The following TBK1 variants were observed in gnomAD, a reference collection of about 807,000 sequenced individuals.
TBK1 encodes the protein serine/threonine-protein kinase TBK1.
TBK1 carries 37 observed loss-of-function variants against 99.9 expected under a neutral mutation model. The observed-to-expected ratio is 0.37, with a 90% CI of 0.28 to 0.49. TBK1 has a LOEUF of 0.49. Among genes scored for constraint, TBK1 ranks in the 20% least tolerant of loss-of-function variants. The probability of loss-of-function intolerance (pLI) is 0.98; values close to 1 mark genes in which losing one functional copy is unlikely to be tolerated. For synonymous variants in TBK1, 258 were observed against 279.8 expected (o/e 0.92, Z 0.78); for missense variants, 644 against 872.5 (o/e 0.74, Z 3.30).
At chr12:64,474,507 A>T in intron 6 of TBK1, 117 bp downstream of exon 6, 1 of 1,011,374 alleles carries the variant, frequency 9.9e-7, no homozygotes, top group Non-Finnish European at 1.4e-6. Context: ...CATTTCTGAT[A>T]TTTTAAGCTA....
chr12:64,490,781 G>A lies in TBK1; in HGVS notation c.1521+662G>A, dbSNP rs111316737. ...GGTGAAACCCCGTGTCATTAGCTGC[G>A]TGTGGTGGTGGGCACCTGTAATCCC... On this transcript the variant is annotated intron_variant, in intron 13 of 20. Transcript: ENST00000331710. Among the ~76,000 whole-genome samples, 426 of 152,006 alleles carry A rather than the reference G, an allele frequency of 2.8e-3. 1 individual carries two copies. The highest frequency in any genetic ancestry group is 9.8e-3 in the African/African-American group (406 of 41,480).
chr12:64,497,099 A>C (rs1377189180), intron 17 of TBK1, 49 bp downstream of exon 17: 1 of 1,581,012 alleles, frequency 6.3e-7, no homozygotes, highest in East Asian at 2.3e-5. Flanking sequence ...CACAATATAA[A>C]TGTATATTTG....
At chr12:64,458,102 C>G (rs990033699) in intron 2 of TBK1, among the ~76,000 whole-genome samples, 1 of 151,608 alleles carries the variant, frequency 6.6e-6, no homozygotes, top group African/African-American at 2.4e-5. Context: ...CACACACACA[C>G]ACACACACAC....
In TBK1 at chr12:64,480,241, G is replaced by GTC. The variant is rs572129028; in HGVS notation, c.812+120_812+121dup. The GTC allele has an allele frequency of 2.8e-4, 166 of 603,492 alleles. No individual in the cohort carries two copies. The East Asian group carries it at 4.1e-3, about 15-fold the overall frequency. 37.4% of individuals were successfully genotyped at this position (603,492 alleles called of 1,614,324 possible). On this transcript the variant is annotated intron_variant, in intron 7 of 20. Transcript: ENST00000331710. ...TTTGATTTTATTTTAATTAGATATT[G>GTC]TCAAAGCATGTGCTTTGATAAATGA...
Position 64,479,943 on chromosome 12 carries a change from T to C in TBK1, c.702-69T>C, listed in dbSNP as rs1393090035. On this transcript the variant is annotated intron_variant, in intron 6 of 20. Transcript: ENST00000331710. Reference sequence around the variant, plus strand: ...TGTAGGTGCAATTGAGGAAATACTTTTGCAAAGCCCATTAATAAGTCATGC... The same window carrying C: ...TGTAGGTGCAATTGAGGAAATACTTCTGCAAAGCCCATTAATAAGTCATGC... The C allele has an allele frequency of 5.7e-6, 6 of 1,053,482 alleles. No homozygotes were observed. In the South Asian group the frequency reaches 6.0e-5, roughly 10 times the overall value. 65.3% of individuals were successfully genotyped at this position (1,053,482 alleles called of 1,614,324 possible).
Position 64,497,773 on chromosome 12 carries a change from G to C in TBK1, c.2066+19G>C. On this transcript the variant is annotated intron_variant, in intron 19 of 20. Coordinates refer to ENST00000331710, the MANE Select transcript of TBK1 (RefSeq NM_013254.4). ...CTCTTGGGTAAGAAACTCATCATTT[G>C]GAAACTGTAGTGTTTCCATTTGCTT... The C allele has an allele frequency of 6.5e-7, 1 of 1,548,726 alleles. No homozygotes were observed. The highest frequency in any genetic ancestry group is 8.8e-7 in the Non-Finnish European group (1 of 1,137,902).
rs141792114 is a variant in TBK1, at chr12:64,499,537, T to C, written c.2138+1498T>C. 4.8e-3 allele frequency among the ~76,000 whole-genome samples: 730 copies of C among 152,210 alleles called. 5 individuals carry two copies. Among genetic ancestry groups the C allele is most frequent in the African/African-American group, 0.017 (686 of 41,528 alleles). On this transcript the variant is annotated intron_variant, in intron 20 of 20. Coordinates refer to ENST00000331710, the MANE Select transcript of TBK1 (RefSeq NM_013254.4). ...GTTTAATATGTTTGTTCAATTTTCA[T>C]TTTTGGGGAGAGTTACTCGTTAACT... is the stretch of plus-strand genomic sequence containing the variant.
At chr12:64,453,109 T>TG (rs2040445783) in intron 1 of TBK1, among the ~76,000 whole-genome samples, 1 of 152,230 alleles carries the variant, frequency 6.6e-6, no homozygotes, top group African/African-American at 2.4e-5. Context: ...GTCAAAAATT[T>TG]GGGAAGATTT....
At chr12:64,497,612 G>GT in intron 18 of TBK1, 36 bp from the exon 19 acceptor site, 1 of 1,233,766 alleles carries the variant, frequency 8.1e-7, no homozygotes, top group South Asian at 1.4e-5. Flanking sequence ...ATTAATGTGG[G>GT]GTTTTTTTCT....
intron 12 of TBK1, 71 bp from the exon 13 acceptor site, chr12:64,489,970 T>C: frequency 1.1e-6 from 1 of 923,712 alleles, no homozygotes; most frequent in Non-Finnish European, 1.6e-6. Context: ...AAATTATTAT[T>C]TATAAAACAT....
At position 64,481,935 on chromosome 12, in the gene TBK1, T is replaced by C. The variant is rs770035551; in HGVS notation, c.906T>C (p.Thr302=). ...GTTTTGACCAGTTTTTTGCAGAAAC[T>C]AGTGATATACTTCACCGAATGGTAA... ...CWGFDQFFAE[T]SDILHRMVIH... The change falls in exon 8 of 21, where the codon ACT becomes ACC. Residue 302 remains threonine (T), a synonymous_variant. Transcript: ENST00000331710. 2 of 1,612,088 alleles carry C rather than the reference T, an allele frequency of 1.2e-6. No individual in the cohort carries two copies. The highest frequency in any genetic ancestry group is 1.7e-6 in the Non-Finnish European group (2 of 1,179,174).
At chr12:64,459,317 G>A (rs944183589) in intron 2 of TBK1, among the ~76,000 whole-genome samples, 35 of 152,212 alleles carry the variant, frequency 2.3e-4, no homozygotes, top group Admixed American at 2.0e-3. Flanking sequence ...GGAAGGAAGT[G>A]AGAGGGTCTG....
chr12:64,456,527 T>C (rs1359859433), intron 2 of TBK1, among the ~76,000 whole-genome samples: 1 of 152,090 alleles, frequency 6.6e-6, no homozygotes, highest in Non-Finnish European at 1.5e-5. Flanking sequence ...ATAAAAAGAT[T>C]ATTCCCAGAG....
At chr12:64,501,180 TC>T (rs2040984639) in intron 20 of TBK1, 149 bp from the exon 21 acceptor site, 1 of 698,418 alleles carries the variant, frequency 1.4e-6, no homozygotes, top group Admixed American at 2.9e-5. Flanking sequence ...ACCATGCTGT[TC>T]CAGTAAGAAA....
intron 4 of TBK1, among the ~76,000 whole-genome samples, chr12:64,465,242 CAAAAAAAAAA>C (rs57575805): frequency 1.9e-4 from 11 of 57,914 alleles, no homozygotes; most frequent in South Asian, 7.8e-4. Context: ...AAGACTATCT[CAAAAAAAAAA>C]AAAAAAAAAA....
chr12:64,467,169 A>G, intron 5 of TBK1, 87 bp downstream of exon 5: 1 of 1,077,644 alleles, frequency 9.3e-7, no homozygotes, highest in South Asian at 2.4e-5. Context: ...AATTCACTAT[A>G]AAATGTCATT....
chr12:64,495,807 A>G (rs1204128667), intron 15 of TBK1, 32 bp downstream of exon 15: 1 of 1,471,606 alleles, frequency 6.8e-7, no homozygotes. Context: ...TTAATTTAAT[A>G]AATCCCTCTT....
rs2040929143 is a variant in TBK1 at position 64,496,736 on chromosome 12, A to G, written c.1761-213A>G. Among the ~76,000 whole-genome samples the G allele has an allele frequency of 2.6e-5, 4 of 152,190 alleles. No individual in the cohort carries two copies. In the South Asian group the frequency reaches 8.3e-4, roughly 32 times the overall value. ...TACCGTCTTAATTTTAACCGCATTC[A>G]ATAGGCATTTTTTTTACATCCATTT... On this transcript the variant is annotated intron_variant, in intron 16 of 20. Coordinates refer to ENST00000331710, the MANE Select transcript of TBK1 (RefSeq NM_013254.4).
rs774311165 is a variant in TBK1 at position 64,501,335 on chromosome 12, G to A, written c.2144G>A (p.Gly715Asp). Reference sequence around the variant, plus strand: ...TCTTTGTGTGTGTGTTTTAGGTTTGGCTCTTTAACCATGGATGGTGGCCTT... The same window carrying A: ...TCTTTGTGTGTGTGTTTTAGGTTTGACTCTTTAACCATGGATGGTGGCCTT... Reference protein sequence around the residue: ...AENNHILERFGSLTMDGGLRN... With the variant: ...AENNHILERFDSLTMDGGLRN... Residue 715 changes from glycine (G) to aspartate (D), a missense_variant, in exon 21 of 21, where the codon GGC becomes GAC. Gly to Asp is a moderately conservative substitution (Grantham distance 94). Around this residue, in one of 3 missense-constraint regions of TBK1, gnomAD observed 465 missense variants for 588.0 expected, o/e 0.79. Coordinates refer to ENST00000331710, the MANE Select transcript of TBK1 (RefSeq NM_013254.4). The A allele has an allele frequency of 6.2e-7, 1 of 1,613,728 alleles. No individual in the cohort carries two copies. Among genetic ancestry groups the A allele is most frequent in the Non-Finnish European group, 8.5e-7 (1 of 1,179,904 alleles).
Sources: gnomAD v4.1 joint callset for allele counts (sites outside exome capture counted in the v4.1 genomes callset) on GRCh38, gnomAD v4.1.1 for gene constraint, gnomAD v4.1.1 regional missense constraint, MANE v1.5 for transcripts, NCBI Gene and HGNC (gene_info 2026-07-23, HGNC 2026-07-21) for gene names.